DPYD: variants seen among roughly 807,000 people sequenced by gnomAD.
The protein encoded by DPYD is dihydropyrimidine dehydrogenase, also known as dihydropyrimidine dehydrogenase [NADP(+)].
Under a neutral mutation model 116.2 loss-of-function variants are expected in DPYD, and 109 were observed. That is an observed-to-expected ratio of 0.94 (90% CI 0.80 to 1.10). The LOEUF (loss-of-function observed/expected upper bound fraction) is 1.10. Among genes scored for constraint, DPYD ranks in the 50% least tolerant of loss-of-function variants. The pLI is 0.00. For missense variants in DPYD, 1,302 were observed against 1,254.5 expected (o/e 1.04, Z -0.57); for synonymous variants, 440 against 432.0 (o/e 1.02, Z -0.23).
intron 18 of DPYD, among the ~76,000 whole-genome samples, chr1:97,258,052 G>C (rs1286702333): frequency 6.6e-6 from 1 of 152,030 alleles, no homozygotes; most frequent in Non-Finnish European, 1.5e-5. Context: ...AACGGCATGA[G>C]CAAAAGGATA....
chr1:97,749,584 G>A (rs574911227), intron 3 of DPYD, among the ~76,000 whole-genome samples: 1 of 152,180 alleles, frequency 6.6e-6, no homozygotes, highest in South Asian at 2.1e-4. Context: ...ATTTAAATAA[G>A]TTTACATAAA....
At chr1:97,776,843 T>G (rs1390548793) in intron 3 of DPYD, among the ~76,000 whole-genome samples, 1 of 152,204 alleles carries the variant, frequency 6.6e-6, no homozygotes, top group East Asian at 1.9e-4. Flanking sequence ...AAATTCTTTT[T>G]GATGTATACT....
chr1:97,584,805 G>C (rs1479285549), intron 10 of DPYD, among the ~76,000 whole-genome samples: 1 of 126,986 alleles, frequency 7.9e-6, no homozygotes, highest in Non-Finnish European at 1.6e-5. Flanking sequence ...GTTGTGGGGT[G>C]GGGGGAGGGG....
chr1:97,347,423 A>G (rs1266122790), intron 16 of DPYD, among the ~76,000 whole-genome samples: 1 of 152,024 alleles, frequency 6.6e-6, no homozygotes, highest in African/African-American at 2.4e-5. Context: ...GATGACTTAC[A>G]TGACATGATG....
At chr1:97,710,129 T>C (rs1662202379) in intron 5 of DPYD, among the ~76,000 whole-genome samples, 1 of 151,594 alleles carries the variant, frequency 6.6e-6, no homozygotes, top group Non-Finnish European at 1.5e-5. Context: ...AGGTCTAAGA[T>C]AAATCTTAAT....
At chr1:97,459,655 T>C (rs1676908477) in intron 13 of DPYD, among the ~76,000 whole-genome samples, 1 of 152,104 alleles carries the variant, frequency 6.6e-6, no homozygotes, top group South Asian at 2.1e-4. Flanking sequence ...ATTGCATACC[T>C]TGTAGACTTA....
chr1:97,819,562 AACCTGCTAATTTC>A (rs1668811516), intron 3 of DPYD, among the ~76,000 whole-genome samples: 2 of 152,028 alleles, frequency 1.3e-5, no homozygotes, highest in African/African-American at 4.8e-5. Context: ...ACTATTAAAC[AACCTGCTAATTTC>A]ACTGGAAGTA....
Position 97,242,093 on chromosome 1 carries a change from T to A in DPYD, c.2300-7099A>T, listed in dbSNP as rs1309242594. The stretch of plus-strand genomic sequence containing the variant: ...TGTGAATAAATCTTTATTAGATTTT[T>A]AAGTGTAATTTGCAACGTGTGTGTG... On this transcript the variant is annotated intron_variant, in intron 18 of 22. Coordinates refer to ENST00000370192, the MANE Select transcript of DPYD (RefSeq NM_000110.4). Among the ~76,000 whole-genome samples the A allele has an allele frequency of 3.5e-5, 5 of 141,742 alleles. No individual in the cohort carries two copies. The East Asian group carries it at 1.0e-3, about 29-fold the overall frequency. The allele number at this position is 141,742 out of a possible 152,430, so 93.0% of individuals were successfully genotyped here.
chr1:97,138,667 G>A (rs1026010785), intron 20 of DPYD, among the ~76,000 whole-genome samples: 1 of 152,134 alleles, frequency 6.6e-6, no homozygotes, highest in Admixed American at 6.5e-5. Flanking sequence ...GGGTGACAAA[G>A]TGTTGGGAAA....
intron 3 of DPYD, among the ~76,000 whole-genome samples, chr1:97,785,644 A>AAGAG (rs1201353556): frequency 6.7e-6 from 1 of 149,650 alleles, no homozygotes; most frequent in Admixed American, 6.6e-5. Context: ...TGCTGGCCAC[A>AAGAG]AGAGAGATTA....
In DPYD at chr1:97,089,657, A is replaced by G. The variant is rs551669921; in HGVS notation, c.2767-7187T>C. ...TTTTTCTTTCTGTTTCCCTTATGGA[A>G]TTGGTAGCTTCATAATATGGGCCAT... On this transcript the variant is annotated intron_variant, in intron 21 of 22. Coordinates refer to ENST00000370192, the MANE Select transcript of DPYD (RefSeq NM_000110.4). Among the ~76,000 whole-genome samples, 4 of 151,890 alleles carry G rather than the reference A, an allele frequency of 2.6e-5. No homozygotes were observed. In the South Asian group the frequency reaches 8.3e-4, roughly 32 times the overall value.
intron 3 of DPYD, among the ~76,000 whole-genome samples, chr1:97,783,742 A>G (rs938231073): frequency 1.3e-5 from 2 of 152,196 alleles, no homozygotes; most frequent in Non-Finnish European, 2.9e-5. Context: ...ACCAGAGGTC[A>G]TGAAACTGGA....
chr1:97,840,917 G>A (rs1371908747), intron 2 of DPYD, among the ~76,000 whole-genome samples: 2 of 152,088 alleles, frequency 1.3e-5, no homozygotes, highest in Non-Finnish European at 1.5e-5. Context: ...AATGTGGACA[G>A]TTTGCTCTTC....
intron 19 of DPYD, among the ~76,000 whole-genome samples, chr1:97,228,518 CACTT>C (rs1465168138): frequency 3.3e-5 from 5 of 152,094 alleles, no homozygotes; most frequent in Non-Finnish European, 5.9e-5. Flanking sequence ...GTAGGGCACT[CACTT>C]ATCTACATAG....
At chr1:97,647,978 T>C (rs1303062301) in intron 8 of DPYD, among the ~76,000 whole-genome samples, 1 of 152,070 alleles carries the variant, frequency 6.6e-6, no homozygotes, top group East Asian at 1.9e-4. Context: ...CTGCTGCTAC[T>C]ACCAAATCAG....
At chr1:97,851,042 A>T (rs1271064792) in intron 2 of DPYD, among the ~76,000 whole-genome samples, 1 of 152,018 alleles carries the variant, frequency 6.6e-6, no homozygotes, top group Non-Finnish European at 1.5e-5. Flanking sequence ...GAACTTTAGG[A>T]TCTTTCATAA....
chr1:97,359,053 T>A (rs1284196010), intron 16 of DPYD, among the ~76,000 whole-genome samples: 1 of 151,952 alleles, frequency 6.6e-6, no homozygotes, highest in Admixed American at 6.6e-5. Flanking sequence ...GCAAGGAAGC[T>A]TAAAACCTTG....
At chr1:97,216,085 C>T (rs188833897) in intron 19 of DPYD, among the ~76,000 whole-genome samples, 5 of 152,230 alleles carry the variant, frequency 3.3e-5, no homozygotes, top group East Asian at 3.9e-4. Context: ...TTCCATAATG[C>T]ATTTTTCTTT....
At chr1:97,603,190 G>A (rs1264477771) in intron 8 of DPYD, among the ~76,000 whole-genome samples, 1 of 151,900 alleles carries the variant, frequency 6.6e-6, no homozygotes, top group African/African-American at 2.4e-5. Flanking sequence ...CTTAATGATT[G>A]GAGTTCTTAG....
Sources: gnomAD v4.1 joint callset for allele counts (sites outside exome capture counted in the v4.1 genomes callset) on GRCh38, gnomAD v4.1.1 for gene constraint, MANE v1.5 for transcripts, NCBI Gene and HGNC (gene_info 2026-07-23, HGNC 2026-07-21) for gene names.